Variants in RAPGEF6 observed in about 807,000 individuals in gnomAD.
RAPGEF6 encodes the protein Rap guanine nucleotide exchange factor 6.
A neutral mutation model predicts 171.4 loss-of-function variants in RAPGEF6; 56 were observed. The observed-to-expected ratio is 0.33, with a 90% CI of 0.26 to 0.41. The LOEUF is 0.41. Among genes scored for constraint, RAPGEF6 ranks in the 10% least tolerant of loss-of-function variants. The pLI, the probability that RAPGEF6 is intolerant of heterozygous loss-of-function variation, is 1.00. For missense variants in RAPGEF6, 1,674 were observed against 1,921.4 expected (o/e 0.87, Z 2.41); for synonymous variants, 692 against 650.1 (o/e 1.06, Z -0.98).
At chr5:131,571,275 G>C (rs1762264798) in intron 4 of RAPGEF6, among the ~76,000 whole-genome samples, 1 of 152,008 alleles carries the variant, frequency 6.6e-6, no homozygotes. Context: ...TTGACAACAA[G>C]GATGTTTGCT....
intron 9 of RAPGEF6, among the ~76,000 whole-genome samples, chr5:131,506,862 T>C (rs1757401893): frequency 1.3e-5 from 2 of 151,916 alleles, no homozygotes; most frequent in Admixed American, 6.6e-5. Context: ...CTCTTATGTA[T>C]ATATTTTATA....
Position 131,458,912 on chromosome 5 carries a change from CA to C in RAPGEF6, c.2864+2792del, listed in dbSNP as rs376701197. Among the ~76,000 whole-genome samples, 917 of 152,314 alleles carry C rather than the reference CA, an allele frequency of 6.0e-3. 5 individuals carry two copies. Among genetic ancestry groups the C allele is most frequent in the African/African-American group, 0.021 (880 of 41,570 alleles). On this transcript the variant is annotated intron_variant, in intron 19 of 27. Transcript: ENST00000509018. Reference sequence around the variant, plus strand: ...CTTGTGATCCACCTGCATTGGCCTCCAAAGTGCCAGGATCACAGGCGTGAGC... The same window carrying C: ...CTTGTGATCCACCTGCATTGGCCTCCAAGTGCCAGGATCACAGGCGTGAGC...
chr5:131,630,246 G>A (rs2150043317), intron 1 of RAPGEF6, among the ~76,000 whole-genome samples: 1 of 152,338 alleles, frequency 6.6e-6, no homozygotes, highest in East Asian at 1.9e-4. Context: ...ATGACAACTA[G>A]CTGAAGGCTC....
At chr5:131,564,605 A>C (rs1287272242) in intron 4 of RAPGEF6, among the ~76,000 whole-genome samples, 1 of 152,232 alleles carries the variant, frequency 6.6e-6, no homozygotes, top group Non-Finnish European at 1.5e-5. Context: ...ACATCAATAA[A>C]GAAACAAGCA....
chr5:131,587,815 C>T (rs890350051), intron 4 of RAPGEF6, among the ~76,000 whole-genome samples: 5 of 152,078 alleles, frequency 3.3e-5, no homozygotes, highest in Non-Finnish European at 7.4e-5. Context: ...CTCCTTTCTC[C>T]CTTGAAAACC....
intron 3 of RAPGEF6, among the ~76,000 whole-genome samples, chr5:131,600,352 T>A (rs185340981): frequency 6.6e-6 from 1 of 152,048 alleles, no homozygotes; most frequent in Non-Finnish European, 1.5e-5. Flanking sequence ...TGAAACCCCA[T>A]CTCTACTAAA....
At chr5:131,550,137 C>T (rs1760829361) in intron 5 of RAPGEF6, among the ~76,000 whole-genome samples, 1 of 152,124 alleles carries the variant, frequency 6.6e-6, no homozygotes, top group Non-Finnish European at 1.5e-5. Context: ...CCATTACCAC[C>T]TCCCCTTAAT....
chr5:131,629,636 G>GTACC (rs1429771641), intron 1 of RAPGEF6, among the ~76,000 whole-genome samples: 2 of 150,814 alleles, frequency 1.3e-5, no homozygotes, highest in East Asian at 3.9e-4. Flanking sequence ...TGCACCTGTA[G>GTACC]TACCAGCTAC....
At chr5:131,591,341 T>C (rs1049567286) in intron 4 of RAPGEF6, among the ~76,000 whole-genome samples, 9 of 152,212 alleles carry the variant, frequency 5.9e-5, no homozygotes, top group African/African-American at 1.9e-4. Flanking sequence ...ACTGACCTTC[T>C]TTCTACCACC....
intron 8 of RAPGEF6, among the ~76,000 whole-genome samples, chr5:131,508,558 TC>T (rs1757514988): frequency 6.6e-6 from 1 of 152,180 alleles, no homozygotes; most frequent in South Asian, 2.1e-4. Flanking sequence ...AGTGAAAAAG[TC>T]TTTTGTCTAG....
At chr5:131,561,920 A>C in intron 5 of RAPGEF6, 58 bp downstream of exon 5, 1 of 1,329,874 alleles carries the variant, frequency 7.5e-7, no homozygotes, top group Non-Finnish European at 1.1e-6. Context: ...AGCCTACTAC[A>C]TTTAAAGTTA....
intron 6 of RAPGEF6, among the ~76,000 whole-genome samples, chr5:131,528,349 A>T: frequency 1.1e-5 from 1 of 91,276 alleles, no homozygotes; most frequent in Non-Finnish European, 2.6e-5. Flanking sequence ...ACACACACAC[A>T]CACATATATA....
intron 18 of RAPGEF6, chr5:131,463,767 A>C: frequency 9.5e-7 from 1 of 1,055,878 alleles, no homozygotes; most frequent in Non-Finnish European, 1.1e-6. Context: ...GGCCATATTA[A>C]AAACAAATTT....
chr5:131,432,897 TCA>T lies in RAPGEF6; in HGVS notation c.3974+531_3974+532del, dbSNP rs1215191839. 5.3e-5 allele frequency among the ~76,000 whole-genome samples: 8 copies of T among 152,206 alleles called. No individual in the cohort carries two copies. The East Asian group carries it at 1.5e-3, about 29-fold the overall frequency. ...AGTAGACCAGATTTCACAATATTTA[TCA>T]GTTAGAATAAACTTTCTCAAAGATT... On this transcript the variant is annotated intron_variant, in intron 25 of 27. Coordinates refer to ENST00000509018, the MANE Select transcript of RAPGEF6 (RefSeq NM_016340.6).
chr5:131,459,665 G>GTT (rs1398325504), intron 19 of RAPGEF6, among the ~76,000 whole-genome samples: 1 of 152,122 alleles, frequency 6.6e-6, no homozygotes, highest in Non-Finnish European at 1.5e-5. Flanking sequence ...GTACTTCATA[G>GTT]TTGTTTAAAA....
rs543301578 is a variant in RAPGEF6, at chr5:131,497,683, C to T, written c.1419+760G>A. ...AGAAAAAGGGTGAGAGGTGTGCAAGCCTGTAGTTTTAGATGTTAGTCTCCT... is the reference window on the plus strand; with the variant it reads ...AGAAAAAGGGTGAGAGGTGTGCAAGTCTGTAGTTTTAGATGTTAGTCTCCT... On this transcript the variant is annotated intron_variant, in intron 12 of 27. Transcript: ENST00000509018. 5.5e-4 allele frequency among the ~76,000 whole-genome samples: 84 copies of T among 152,218 alleles called. 1 individual carries two copies. Among genetic ancestry groups the T allele is most frequent in the Non-Finnish European group, 7.9e-4 (54 of 68,014 alleles).
chr5:131,463,905 A>AT, intron 18 of RAPGEF6, 136 bp downstream of exon 18: 1 of 1,407,502 alleles, frequency 7.1e-7, no homozygotes, highest in South Asian at 1.8e-5. Flanking sequence ...GTGACAAGAT[A>AT]TTTTATCAAG....
chr5:131,524,552 T>TGGGAGA (rs941502784), intron 6 of RAPGEF6, among the ~76,000 whole-genome samples: 3 of 138,230 alleles, frequency 2.2e-5, no homozygotes, highest in East Asian at 2.1e-4. Context: ...AGCTTATAGA[T>TGGGAGA]GGGAGAGGGA....
intron 7 of RAPGEF6, among the ~76,000 whole-genome samples, chr5:131,514,347 A>G (rs1757936058): frequency 6.6e-6 from 1 of 152,224 alleles, no homozygotes; most frequent in African/African-American, 2.4e-5. Context: ...CCACAGGACA[A>G]GAAGTCACTG....
Sources: allele counts gnomAD v4.1 joint callset (sites outside exome capture counted in the v4.1 genomes callset), GRCh38; gene constraint gnomAD v4.1.1; transcripts MANE v1.5; gene names NCBI Gene and HGNC (gene_info 2026-07-23, HGNC 2026-07-21).